Variants in ALDH18A1 observed in about 807,000 individuals in gnomAD.
ALDH18A1 encodes the protein delta-1-pyrroline-5-carboxylate synthase.
Under a neutral mutation model 88.8 loss-of-function variants are expected in ALDH18A1, and 44 were observed. The observed-to-expected ratio is 0.50, with a 90% CI of 0.39 to 0.64. The LOEUF (loss-of-function observed/expected upper bound fraction) is 0.64. ALDH18A1 is among the 30% of genes least tolerant of loss of function. The pLI is 0.00. For synonymous variants in ALDH18A1, 331 were observed against 372.1 expected (o/e 0.89, Z 1.27); for missense variants, 782 against 1,009.5 (o/e 0.77, Z 3.05).
intron 10 of ALDH18A1, among the ~76,000 whole-genome samples, chr10:95,625,663 T>C (rs567905494): frequency 6.6e-6 from 1 of 151,822 alleles, no homozygotes; most frequent in South Asian, 2.1e-4. Flanking sequence ...AACCTCTAGG[T>C]CACTTCTTAC....
At chr10:95,628,122 C>T (rs754521721) in intron 8 of ALDH18A1, among the ~76,000 whole-genome samples, 3 of 152,182 alleles carry the variant, frequency 2.0e-5, no homozygotes, top group Non-Finnish European at 2.9e-5. Flanking sequence ...ATAGGCCCTG[C>T]CCTTGCAGAG....
At chr10:95,647,622 G>A (rs2097903324) in intron 2 of ALDH18A1, among the ~76,000 whole-genome samples, 1 of 152,212 alleles carries the variant, frequency 6.6e-6, no homozygotes, top group Admixed American at 6.5e-5. Flanking sequence ...TTGATTGTGG[G>A]TTGTAAGACC....
At chr10:95,615,159 C>CA (rs1015207375) in intron 13 of ALDH18A1, among the ~76,000 whole-genome samples, 6 of 151,722 alleles carry the variant, frequency 4.0e-5, no homozygotes, top group Non-Finnish European at 2.9e-5. Flanking sequence ...CCTGTCTCTA[C>CA]AAAAAACAAA....
intron 5 of ALDH18A1, among the ~76,000 whole-genome samples, chr10:95,635,085 G>C (rs2097878062): frequency 6.6e-6 from 1 of 152,136 alleles, no homozygotes; most frequent in South Asian, 2.1e-4. Context: ...AATTTGTTGA[G>C]TACCTCTGAA....
chr10:95,641,426 AT>A lies in ALDH18A1; in HGVS notation c.303+1565del, dbSNP rs1053813651. Among the ~76,000 whole-genome samples the A allele has an allele frequency of 8.0e-4, 114 of 142,454 alleles. 1 individual carries two copies. Among genetic ancestry groups the A allele is most frequent in the African/African-American group, 2.8e-3 (107 of 38,000 alleles). The allele number at this position is 142,454 out of a possible 152,430, so 93.5% of individuals were successfully genotyped here. A position where few individuals can be genotyped will look rare whatever the true frequency, so the allele number is the denominator to read the frequency against. ...CTCACAGTGTAGTCTCTTGATAAAT[AT>A]TTTTAAAATTTATCTGATGGACTCA... On this transcript the variant is annotated intron_variant, in intron 3 of 17. Coordinates refer to ENST00000371224, the MANE Select transcript of ALDH18A1 (RefSeq NM_002860.4).
intron 7 of ALDH18A1, among the ~76,000 whole-genome samples, chr10:95,631,837 C>T (rs888724179): frequency 2.7e-5 from 4 of 148,734 alleles, no homozygotes; most frequent in Admixed American, 6.7e-5. Context: ...TGAAATGGTA[C>T]AAGGGGCCTT....
rs1296147734 is a variant in ALDH18A1 at position 95,653,207 on chromosome 10, C to CT, written c.88+82dup. 44 of 1,313,382 alleles carry CT rather than the reference C, an allele frequency of 3.4e-5. No individual in the cohort carries two copies. In the South Asian group the frequency reaches 4.5e-4, roughly 13 times the overall value. The allele number at this position is 1,313,382 out of a possible 1,614,324, so 81.4% of individuals were successfully genotyped here. ...TGTCTCCAAACAAACAAACAAACAT[C>CT]TTTTTTCTCTTTGAAAACCTTGTTG... On this transcript the variant is annotated intron_variant, in intron 2 of 17. Coordinates refer to ENST00000371224, the MANE Select transcript of ALDH18A1 (RefSeq NM_002860.4).
chr10:95,610,442 G>GA, intron 16 of ALDH18A1, 150 bp from the exon 17 acceptor site: 1 of 701,668 alleles, frequency 1.4e-6, no homozygotes, highest in Non-Finnish European at 2.6e-6. Context: ...TCAGGCTTAT[G>GA]AAAAATCTCA....
At chr10:95,654,306 A>G (rs947392479) in intron 1 of ALDH18A1, among the ~76,000 whole-genome samples, 6 of 151,946 alleles carry the variant, frequency 3.9e-5, no homozygotes, top group Admixed American at 2.0e-4. Flanking sequence ...CTGGGACTAC[A>G]GGCACGCGCT....
chr10:95,614,179 A>G lies in ALDH18A1; in HGVS notation c.1606-18T>C. The stretch of plus-strand genomic sequence containing the variant: ...GTATTCACCTTTAGAAGGAAAGAAG[A>G]AAAAGATAAAGATGACATCTGACCA... On this transcript the variant is annotated intron_variant, in intron 13 of 17. Coordinates refer to ENST00000371224, the MANE Select transcript of ALDH18A1 (RefSeq NM_002860.4). The G allele has an allele frequency of 3.1e-6, 5 of 1,612,274 alleles. No homozygotes were observed. Among genetic ancestry groups the G allele is most frequent in the Non-Finnish European group, 4.2e-6 (5 of 1,179,368 alleles).
At chr10:95,655,919 C>T (rs1328595556) in intron 1 of ALDH18A1, among the ~76,000 whole-genome samples, 1 of 152,142 alleles carries the variant, frequency 6.6e-6, no homozygotes, top group African/African-American at 2.4e-5. Context: ...AACACATGCT[C>T]GGTATATGGC....
chr10:95,611,081 C>A (rs2097833267), intron 16 of ALDH18A1, among the ~76,000 whole-genome samples, 175 bp downstream of exon 16: 2 of 152,164 alleles, frequency 1.3e-5, no homozygotes, highest in African/African-American at 4.8e-5. Context: ...CCAGCTGTGA[C>A]AATATAATAA....
intron 2 of ALDH18A1, among the ~76,000 whole-genome samples, chr10:95,652,052 GAACT>G (rs1274523778): frequency 4.6e-5 from 7 of 152,136 alleles, no homozygotes; most frequent in Admixed American, 2.0e-4. Flanking sequence ...TAATAAAAAG[GAACT>G]AACTGATACA....
chr10:95,611,549 C>T (rs1198401883), intron 15 of ALDH18A1, 107 bp from the exon 16 acceptor site: 5 of 1,310,440 alleles, frequency 3.8e-6, no homozygotes, highest in Admixed American at 1.7e-5. Context: ...CAAAGTGGCT[C>T]CTGTAGCCTC....
rs552325165 is a variant in ALDH18A1, at chr10:95,614,143, C to T, written c.1624G>A (p.Val542Ile). Residue 542 changes from valine to isoleucine, a missense_variant, in exon 14 of 18, where the codon GTT becomes ATT. By Grantham distance (29) the Val-to-Ile change is conservative (BLOSUM62 3). Around this residue, in one of 3 missense-constraint regions of ALDH18A1, gnomAD observed 556 missense variants for 654.5 expected, o/e 0.85. Transcript: ENST00000371224. ...AVQLVNTREE[V>I]EDLCRLDKMI... ...TTGTCTAGGCGGCAAAGATCTTCAA[C>T]TTCTTCTCTGGTATTCACCTTTAGA... 1.8e-4 allele frequency: 293 copies of T among 1,614,200 alleles called. 3 individuals are homozygous for T. The South Asian group carries it at 3.0e-3, about 17-fold the overall frequency.
chr10:95,614,148 T>C lies in ALDH18A1; in HGVS notation c.1619A>G (p.Glu540Gly). Residue 540 changes from glutamate (E) to glycine (G), a missense_variant, in exon 14 of 18, where the codon GAA (glutamate) becomes GGA (glycine). Glu to Gly is a moderately conservative substitution (Grantham distance 98). Around this residue, in one of 3 missense-constraint regions of ALDH18A1, gnomAD observed 556 missense variants for 654.5 expected, o/e 0.85. Coordinates refer to ENST00000371224, the MANE Select transcript of ALDH18A1 (RefSeq NM_002860.4). ...KEAVQLVNTREEVEDLCRLDK... is the reference protein window; with the variant it reads ...KEAVQLVNTRGEVEDLCRLDK... ...TAGGCGGCAAAGATCTTCAACTTCT[T>C]CTCTGGTATTCACCTTTAGAAGGAA... The C allele has an allele frequency of 1.2e-6, 2 of 1,614,162 alleles. No homozygotes were observed. Among genetic ancestry groups the C allele is most frequent in the Middle Eastern group, 1.6e-4 (1 of 6,062 alleles).
intron 12 of ALDH18A1, among the ~76,000 whole-genome samples, chr10:95,619,101 A>G (rs1286569778): frequency 6.6e-6 from 1 of 152,222 alleles, no homozygotes; most frequent in East Asian, 1.9e-4. Flanking sequence ...ATTCTTCAGG[A>G]TACAAAATCA....
chr10:95,649,106 G>A (rs1038742652), intron 2 of ALDH18A1, among the ~76,000 whole-genome samples: 1 of 152,188 alleles, frequency 6.6e-6, no homozygotes, highest in Non-Finnish European at 1.5e-5. Context: ...CAAGGAGCTA[G>A]CCAACTCAAA....
At chr10:95,655,746 C>A (rs2097917064) in intron 1 of ALDH18A1, among the ~76,000 whole-genome samples, 1 of 151,780 alleles carries the variant, frequency 6.6e-6, no homozygotes, top group Non-Finnish European at 1.5e-5. Context: ...GACTGTGTCT[C>A]GACTCTGTGT....
Sources: allele counts gnomAD v4.1 joint callset (sites outside exome capture counted in the v4.1 genomes callset), GRCh38; gene constraint gnomAD v4.1.1; regional missense constraint gnomAD v4.1.1; transcripts MANE v1.5; gene names NCBI Gene and HGNC (gene_info 2026-07-23, HGNC 2026-07-21).